The following EPCAM variants were observed in gnomAD, a reference collection of about 807,000 sequenced individuals.
EPCAM encodes the protein epithelial cell adhesion molecule, also known as adenocarcinoma-associated antigen.
EPCAM carries 39 observed loss-of-function variants against 40.0 expected under a neutral mutation model. The observed-to-expected ratio is 0.98, with a 90% CI of 0.76 to 1.27. The LOEUF is 1.27. Among genes scored for constraint, EPCAM ranks in the 50% most tolerant of loss-of-function variants. EPCAM has a pLI of 0.00. For synonymous variants in EPCAM, 168 were observed against 132.3 expected, an observed-to-expected ratio of 1.27 and a Z score of -1.85; for missense variants, 503 against 381.2, an observed-to-expected ratio of 1.32 and a Z score of -2.66.
At chr2:47,385,274 C>G (rs1314175356) in intron 8 of EPCAM, 64 bp downstream of exon 8, 16 of 1,286,100 alleles carry the variant, frequency 1.2e-5, no homozygotes, top group Non-Finnish European at 1.7e-5. Flanking sequence ...ATCACTCTAC[C>G]TTCCTACACA....
At chr2:47,380,879 AG>A (rs1037749472) in intron 7 of EPCAM, among the ~76,000 whole-genome samples, 33 of 151,118 alleles carry the variant, frequency 2.2e-4, no homozygotes, top group African/African-American at 7.5e-4. Context: ...ACTTGAGATC[AG>A]AAGTTCGAGA....
At chr2:47,371,848 C>G (rs900275057) in intron 1 of EPCAM, among the ~76,000 whole-genome samples, 1 of 152,134 alleles carries the variant, frequency 6.6e-6, no homozygotes, top group African/African-American at 2.4e-5. Flanking sequence ...ATAACTTGAA[C>G]AGGGAAAAAT....
Position 47,385,761 on chromosome 2 carries a change from C to T in EPCAM, c.903+551C>T, listed in dbSNP as rs149622078. Among the ~76,000 whole-genome samples, 9 of 152,126 alleles carry T rather than the reference C, an allele frequency of 5.9e-5. No homozygotes were observed. The East Asian group carries it at 9.6e-4, about 16-fold the overall frequency. ...TGTGTCTTTGTAGTTGTATGTGGGCCACTTACTAATATTTTAGCAAGTAAT... is the reference window on the plus strand; with the variant it reads ...TGTGTCTTTGTAGTTGTATGTGGGCTACTTACTAATATTTTAGCAAGTAAT... On this transcript the variant is annotated intron_variant, in intron 8 of 8. Coordinates refer to ENST00000263735, the MANE Select transcript of EPCAM (RefSeq NM_002354.3).
In EPCAM at chr2:47,383,305, G is replaced by GA. The variant is rs372391242; in HGVS notation, c.859-1845dup. ...TGGGTGACAGAGCGAGACTCCATCTGAAAAAAAAAAAAAAAAGAAAAGGAG... is the reference window on the plus strand; with the variant it reads ...TGGGTGACAGAGCGAGACTCCATCTGAAAAAAAAAAAAAAAAAGAAAAGGAG... On this transcript the variant is annotated intron_variant, in intron 7 of 8. Transcript: ENST00000263735. The GA allele has an allele frequency of 2.9e-3, 365 of 124,092 alleles. 2 individuals are homozygous for GA. In the South Asian group the frequency reaches 0.038, roughly 13 times the overall value. The allele number at this position is 124,092 out of a possible 1,614,324, so 7.7% of individuals were successfully genotyped here.
chr2:47,373,205 T>TA (rs777057814), intron 1 of EPCAM, among the ~76,000 whole-genome samples: 5,309 of 64,656 alleles, frequency 0.082, 701 homozygotes, highest in African/African-American at 0.12. Context: ...ACCCTATCTT[T>TA]AAAAAAAAAA....
intron 8 of EPCAM, 48 bp from the exon 9 acceptor site, chr2:47,386,524 G>A (rs775332069): frequency 7.0e-7 from 1 of 1,426,512 alleles, no homozygotes; most frequent in African/African-American, 1.4e-5. Context: ...ATGAACAAAA[G>A]ATTGAAAAAT....
chr2:47,374,088 C>G (rs1375825153), intron 3 of EPCAM, 40 bp downstream of exon 3: 3 of 1,609,020 alleles, frequency 1.9e-6, no homozygotes, highest in Non-Finnish European at 2.6e-6. Flanking sequence ...TCATGCTGTT[C>G]AGATTCATTT....
In EPCAM at chr2:47,379,826, C is replaced by G. The variant is rs2103758915; in HGVS notation, c.715C>G (p.Gln239Glu). The G allele has an allele frequency of 6.2e-7, 1 of 1,614,002 alleles. No individual in the cohort carries two copies. Among genetic ancestry groups the G allele is most frequent in the Non-Finnish European group, 8.5e-7 (1 of 1,179,984 alleles). Residue 239 changes from glutamine (Q) to glutamate (E), a missense_variant, in exon 7 of 9, where the codon CAA becomes GAA. Transcript: ENST00000263735. ...KKMDLTVNGE[Q>E]LDLDPGQTLI... ...AATGGACCTGACAGTAAATGGGGAA[C>G]AACTGGATCTGGATCCTGGTCAAAC...
At chr2:47,379,678 G>T (rs879272145) in intron 6 of EPCAM, 91 bp from the exon 7 acceptor site, 8 of 1,425,000 alleles carry the variant, frequency 5.6e-6, no homozygotes, top group African/African-American at 1.4e-5. Context: ...CTTGGCAGCG[G>T]TTCTTTTGGC....
intron 5 of EPCAM, 147 bp from the exon 6 acceptor site, chr2:47,378,806 C>G: frequency 1.7e-6 from 1 of 590,048 alleles, no homozygotes. Flanking sequence ...TAGTGATAAA[C>G]TTAGTTATCC....
chr2:47,369,648 C>T (rs1466071522), intron 1 of EPCAM, 67 bp downstream of exon 1: 12 of 1,479,840 alleles, frequency 8.1e-6, no homozygotes, highest in African/African-American at 4.2e-5. Context: ...CCCCGGCCCT[C>T]GGCCCCCGAA....
chr2:47,371,626 C>A (rs1176427589), intron 1 of EPCAM, among the ~76,000 whole-genome samples: 2 of 152,192 alleles, frequency 1.3e-5, no homozygotes, highest in Admixed American at 1.3e-4. Flanking sequence ...TTAAAGTGGT[C>A]ATAGCTGCTA....
Position 47,379,073 on chromosome 2 carries a change from A to T in EPCAM, c.657+19A>T, listed in dbSNP as rs2103757378. On this transcript the variant is annotated intron_variant, in intron 6 of 8. Coordinates refer to ENST00000263735, the MANE Select transcript of EPCAM (RefSeq NM_002354.3). ...AAAAGATGTGAGTATCATCTTCTTT[A>T]TTCCTGTGTTCAGGAATGTAGTCTA... 1 of 1,256,982 alleles carries T rather than the reference A, an allele frequency of 8.0e-7. No individual in the cohort carries two copies. The highest frequency in any genetic ancestry group is 1.2e-6 in the Non-Finnish European group (1 of 854,504). 77.9% of individuals were successfully genotyped at this position (1,256,982 alleles called of 1,614,324 possible). A position where few individuals can be genotyped will look rare whatever the true frequency, so the allele number is the denominator to read the frequency against.
intron 5 of EPCAM, among the ~76,000 whole-genome samples, chr2:47,377,315 T>C (rs1671452506): frequency 6.6e-6 from 1 of 152,096 alleles, no homozygotes. Flanking sequence ...CGGCTCAATG[T>C]AACCTCTGCT....
chr2:47,373,721 G>T (rs1246488301), intron 2 of EPCAM, 87 bp from the exon 3 acceptor site: 21 of 1,568,310 alleles, frequency 1.3e-5, no homozygotes, highest in Non-Finnish European at 1.7e-5. Context: ...AATAATCTTT[G>T]ACCCTGGAAC....
At chr2:47,370,345 C>T (rs1012742400) in intron 1 of EPCAM, among the ~76,000 whole-genome samples, 12 of 152,170 alleles carry the variant, frequency 7.9e-5, no homozygotes, top group Admixed American at 7.9e-4. Flanking sequence ...GATCTCGGCT[C>T]ACTGCAACTT....
intron 8 of EPCAM, among the ~76,000 whole-genome samples, chr2:47,385,822 T>G (rs1671731516): frequency 6.6e-6 from 1 of 152,240 alleles, no homozygotes; most frequent in African/African-American, 2.4e-5. Context: ...GGAAAAAGTC[T>G]AATGGAACCA....
At position 47,379,775 on chromosome 2, in the gene EPCAM, G is replaced by A. The variant is rs1322579254; in HGVS notation, c.664G>A (p.Gly222Ser). ...TTTCTCCTTTTCAATACAGGTTAAA[G>A]GTGAATCCTTGTTTCATTCTAAGAA... ...VAYYFEKDVK[G>S]ESLFHSKKMD... Residue 222 changes from glycine to serine, a missense_variant, in exon 7 of 9, where the codon GGT (glycine) becomes AGT (serine). Gly to Ser is a moderately conservative substitution (Grantham distance 56). Coordinates refer to ENST00000263735, the MANE Select transcript of EPCAM (RefSeq NM_002354.3). The A allele has an allele frequency of 6.2e-7, 1 of 1,613,010 alleles. No homozygotes were observed. Among genetic ancestry groups the A allele is most frequent in the Non-Finnish European group, 8.5e-7 (1 of 1,179,812 alleles).
At chr2:47,372,654 C>T (rs1033023827) in intron 1 of EPCAM, among the ~76,000 whole-genome samples, 4 of 152,038 alleles carry the variant, frequency 2.6e-5, no homozygotes, top group African/African-American at 7.2e-5. Flanking sequence ...CCCCTGTAGT[C>T]CCAGCTACTT....
Sources: allele counts gnomAD v4.1 joint callset (sites outside exome capture counted in the v4.1 genomes callset), GRCh38; gene constraint gnomAD v4.1.1; transcripts MANE v1.5; gene names NCBI Gene and HGNC (gene_info 2026-07-23, HGNC 2026-07-21).